The following FKTN variants were observed in gnomAD, a reference collection of about 807,000 sequenced individuals.
The protein encoded by FKTN is fukutin.
FKTN carries 47 observed loss-of-function variants against 58.6 expected under a neutral mutation model. The ratio of observed to expected loss-of-function variants is 0.80; its 90% CI spans 0.63 to 1.02. The LOEUF (loss-of-function observed/expected upper bound fraction) is 1.02. Ranked by LOEUF, FKTN falls within the 50% of genes least tolerant of loss-of-function variation. The probability of loss-of-function intolerance (pLI) is 0.00; values close to 1 mark genes in which losing one functional copy is unlikely to be tolerated. For synonymous variants in FKTN, 178 were observed against 191.9 expected (o/e 0.93, Z 0.60); for missense variants, 516 against 537.3 (o/e 0.96, Z 0.39).
chr9:105,584,211 A>G (rs1843512325), intron 3 of FKTN, among the ~76,000 whole-genome samples: 1 of 152,230 alleles, frequency 6.6e-6, no homozygotes, highest in Admixed American at 6.5e-5. Context: ...TATTTGGAAC[A>G]ATGCATGTTA....
intron 10 of FKTN, among the ~76,000 whole-genome samples, chr9:105,621,610 G>A (rs1014836701): frequency 1.1e-4 from 17 of 151,594 alleles, no homozygotes; most frequent in African/African-American, 3.9e-4. Flanking sequence ...TATCCTTTCC[G>A]AGACAAACAT....
At position 105,638,963 on chromosome 9, in the gene FKTN, A is replaced by G. The variant is rs892667585; in HGVS notation, c.*3699A>G. 8 of 985,168 alleles carry G rather than the reference A, an allele frequency of 8.1e-6. No individual in the cohort carries two copies. The African/African-American group carries it at 1.4e-4, about 17-fold the overall frequency. 61.0% of individuals were successfully genotyped at this position (985,168 alleles called of 1,614,324 possible). On this transcript the variant is annotated 3_prime_UTR_variant, in exon 11 of 11. Transcript: ENST00000357998. ...GCTAAATCTGGAAAACACATTTGGA[A>G]TGAGCTTCCACACTTCAGTCTAAAA...
At chr9:105,615,251 A>C in intron 7 of FKTN, 27 bp from the exon 8 acceptor site, 1 of 1,612,288 alleles carries the variant, frequency 6.2e-7, no homozygotes, top group Non-Finnish European at 8.5e-7. Flanking sequence ...AATGGCTGTA[A>C]TAGCTGACTA....
chr9:105,572,637 G>A (rs1438119712), intron 1 of FKTN, among the ~76,000 whole-genome samples: 1 of 152,180 alleles, frequency 6.6e-6, no homozygotes, highest in Non-Finnish European at 1.5e-5. Flanking sequence ...AGCAAGAAAG[G>A]AAGAGTGAAT....
intron 3 of FKTN, among the ~76,000 whole-genome samples, chr9:105,581,986 G>T (rs1471213230): frequency 1.3e-5 from 2 of 152,180 alleles, no homozygotes; most frequent in Non-Finnish European, 2.9e-5. Context: ...CTGACACCTT[G>T]CGCTTCCCAG....
Position 105,604,247 on chromosome 9 carries a change from A to T in FKTN, c.402A>T (p.Gly134=), listed in dbSNP as rs780921233. The change falls in exon 6 of 11, where the codon GGA becomes GGT. Residue 134 remains glycine, a synonymous_variant. Transcript: ENST00000357998. ...GGTTTCGGATAGCTGAGAATATGGG[A>T]TTTCAGTGCCTAAAGATTGAGAGTA... ...EGWFRIAENM[G]FQCLKIESKD... is the part of the protein sequence containing the mutation. The T allele has an allele frequency of 1.9e-5, 30 of 1,612,600 alleles. No individual in the cohort carries two copies. Among genetic ancestry groups the T allele is most frequent in the Non-Finnish European group, 2.5e-5 (30 of 1,180,012 alleles).
rs1290673158 is a variant in FKTN, at chr9:105,639,878, TG to T, written c.*4616del. The T allele has an allele frequency of 1.4e-6, 2 of 1,395,960 alleles. No individual in the cohort carries two copies. Among genetic ancestry groups the T allele is most frequent in the Admixed American group, 5.9e-5 (2 of 34,034 alleles). 86.5% of individuals were successfully genotyped at this position (1,395,960 alleles called of 1,614,324 possible). A position where few individuals can be genotyped will look rare whatever the true frequency, so the allele number is the denominator to read the frequency against. ...ACTAGATTTGGTACCTGCTCTCCCC[TG>T]GACTTCTTTTTCAATATTCTAGCCT... On this transcript the variant is annotated 3_prime_UTR_variant, in exon 11 of 11. Transcript: ENST00000357998.
chr9:105,563,298 G>T (rs936598965), intron 1 of FKTN, among the ~76,000 whole-genome samples: 13 of 152,186 alleles, frequency 8.5e-5, no homozygotes, highest in African/African-American at 3.1e-4. Context: ...TTATCGGACA[G>T]TGGGTGCAGG....
intron 4 of FKTN, among the ~76,000 whole-genome samples, chr9:105,600,099 G>A (rs551723724): frequency 2.0e-5 from 3 of 151,888 alleles, no homozygotes; most frequent in Non-Finnish European, 4.4e-5. Flanking sequence ...GTGTAACATT[G>A]TTTATCCTAA....
Position 105,618,062 on chromosome 9 carries a change from A to G in FKTN, c.1014A>G (p.Ala338=). The G allele has an allele frequency of 6.2e-7, 1 of 1,612,118 alleles. No homozygotes were observed. Among genetic ancestry groups the G allele is most frequent in the Non-Finnish European group, 8.5e-7 (1 of 1,178,154 alleles). The change falls in exon 9 of 11, where the codon GCA becomes GCG. Residue 338 remains alanine (A), a synonymous_variant. Coordinates refer to ENST00000357998, the MANE Select transcript of FKTN (RefSeq NM_001079802.2). ...KSDIILAFQD[A]GLPLKHKFGK... ...ATATTATTTTAGCATTTCAGGATGC[A>G]GGACTTCCGCTCAAACACAAATTTG...
At position 105,616,881 on chromosome 9, in the gene FKTN, A is replaced by G. The variant is rs563704482; in HGVS notation, c.911-1078A>G. 2.7e-3 allele frequency among the ~76,000 whole-genome samples: 396 copies of G among 147,170 alleles called. 2 individuals are homozygous for G. The highest frequency in any genetic ancestry group is 9.4e-3 in the African/African-American group (381 of 40,618). ...AGGAGCTTACTACTAGAATAAGCCA[A>G]AAAAAAAAAAAAAGTACATCTCACA... is the stretch of plus-strand genomic sequence containing the variant. On this transcript the variant is annotated intron_variant, in intron 8 of 10. Coordinates refer to ENST00000357998, the MANE Select transcript of FKTN (RefSeq NM_001079802.2).
intron 1 of FKTN, among the ~76,000 whole-genome samples, chr9:105,566,631 T>G (rs1589209941): frequency 2.0e-5 from 3 of 152,144 alleles, no homozygotes; most frequent in South Asian, 4.2e-4. Flanking sequence ...AATAACAGGC[T>G]CTGAAATTGA....
At chr9:105,634,908 T>C in intron 10 of FKTN, 143 bp from the exon 11 acceptor site, 5 of 759,056 alleles carry the variant, frequency 6.6e-6, no homozygotes, top group Non-Finnish European at 1.2e-5. Flanking sequence ...TTCTGGACAG[T>C]CAAAAATAAT....
intron 3 of FKTN, among the ~76,000 whole-genome samples, chr9:105,590,430 G>A (rs765998799): frequency 5.9e-5 from 9 of 152,148 alleles, no homozygotes; most frequent in African/African-American, 1.2e-4. Context: ...TATCAGCAAC[G>A]TGAAAATGGA....
rs990205460 is a variant in FKTN, at chr9:105,619,881, T to C, written c.1045-53T>C. 4.6e-6 allele frequency: 7 copies of C among 1,535,236 alleles called. No individual in the cohort carries two copies. The Admixed American group carries it at 7.0e-5, about 15-fold the overall frequency. ...TTTTTATTTTTTAAAAAAAGGTTTT[T>C]AAAAATGTATTTCCTTTGTTTCAGT... On this transcript the variant is annotated intron_variant, in intron 9 of 10. Coordinates refer to ENST00000357998, the MANE Select transcript of FKTN (RefSeq NM_001079802.2).
intron 3 of FKTN, among the ~76,000 whole-genome samples, chr9:105,585,935 G>A (rs1017678878): frequency 5.3e-5 from 8 of 152,170 alleles, no homozygotes; most frequent in Non-Finnish European, 8.8e-5. Context: ...GAGATTATGT[G>A]TTAGAGATAG....
intron 3 of FKTN, among the ~76,000 whole-genome samples, chr9:105,587,908 AAC>A (rs1158645444): frequency 1.3e-5 from 2 of 152,186 alleles, no homozygotes; most frequent in Non-Finnish European, 2.9e-5. Flanking sequence ...TGGAAAGAGA[AAC>A]ACTGAGAGGC....
At chr9:105,606,041 A>G (rs1828833466) in intron 6 of FKTN, among the ~76,000 whole-genome samples, 1 of 152,136 alleles carries the variant, frequency 6.6e-6, no homozygotes, top group Non-Finnish European at 1.5e-5. Context: ...AAAATTGAAA[A>G]TACAAAAGTG....
intron 1 of FKTN, among the ~76,000 whole-genome samples, chr9:105,565,083 C>T (rs889287086): frequency 3.3e-5 from 5 of 152,124 alleles, no homozygotes; most frequent in African/African-American, 7.2e-5. Context: ...AAATCCTTTA[C>T]AGACAAGCAA....
Sources: allele counts gnomAD v4.1 joint callset (sites outside exome capture counted in the v4.1 genomes callset), GRCh38; gene constraint gnomAD v4.1.1; transcripts MANE v1.5; gene names NCBI Gene and HGNC (gene_info 2026-07-23, HGNC 2026-07-21).